The following MIA3 variants were observed in gnomAD, a reference collection of about 807,000 sequenced individuals.
MIA3 encodes the protein MIA SH3 domain ER export factor 3.
Under a neutral mutation model 192.4 loss-of-function variants are expected in MIA3, and 90 were observed. The ratio of observed to expected loss-of-function variants is 0.47; its 90% CI spans 0.39 to 0.56. The LOEUF (loss-of-function observed/expected upper bound fraction) is 0.56. Ranked by LOEUF, MIA3 falls within the 20% of genes least tolerant of loss-of-function variation. The pLI is 0.00. For synonymous variants in MIA3, 740 were observed against 792.8 expected (o/e 0.93, Z 1.12); for missense variants, 2,123 against 2,269.4 (o/e 0.94, Z 1.31).
chr1:222,627,514 T>C, intron 3 of MIA3, 61 bp from the exon 4 acceptor site: 8 of 1,346,916 alleles, frequency 5.9e-6, no homozygotes, highest in Non-Finnish European at 8.2e-6. Context: ...TTAACGTGGA[T>C]AAGACTTTGC....
chr1:222,634,783 T>A (rs768633048), intron 6 of MIA3, among the ~76,000 whole-genome samples: 2 of 152,212 alleles, frequency 1.3e-5, no homozygotes, highest in Admixed American at 6.5e-5. Context: ...TCTTGTTGTT[T>A]TTCTGTTAAA....
chr1:222,627,620 A>T lies in MIA3; in HGVS notation c.400A>T (p.Asn134Tyr). The T allele has an allele frequency of 6.3e-7, 1 of 1,580,644 alleles. No individual in the cohort carries two copies. Among genetic ancestry groups the T allele is most frequent in the Non-Finnish European group, 8.5e-7 (1 of 1,170,474 alleles). Residue 134 changes from asparagine (N) to tyrosine (Y), a missense_variant, in exon 4 of 28, where the codon AAT becomes TAT. Transcript: ENST00000344922. ...CFDGGRDDFHNYNVEELLGFL... is the reference protein window; with the variant it reads ...CFDGGRDDFHYYNVEELLGFL... ...TGATGGAGGAAGAGATGATTTTCAT[A>T]ATTATAATGTAGAAGAACTTTTAGG...
In MIA3 at chr1:222,618,224, C is replaced by T. The variant is rs1661692676; in HGVS notation, c.114C>T (p.Cys38=). The change falls in exon 1 of 28, where the codon TGC becomes TGT. Residue 38 remains cysteine (C), a synonymous_variant. Coordinates refer to ENST00000344922, the MANE Select transcript of MIA3 (RefSeq NM_198551.4). ...TGRRFSEHKL[C]ADDECSMLMY... ...GGCGGTTCTCGGAGCACAAACTCTG[C>T]GCGGACGACGAATGCAGCAGTGAGT... 4 of 1,484,940 alleles carry T rather than the reference C, an allele frequency of 2.7e-6. No individual in the cohort carries two copies. The highest frequency in any genetic ancestry group is 2.2e-5 in the Admixed American group (1 of 45,382). 92.0% of individuals were successfully genotyped at this position (1,484,940 alleles called of 1,614,324 possible). A position where few individuals can be genotyped will look rare whatever the true frequency, so the allele number is the denominator to read the frequency against.
At position 222,665,693 on chromosome 1, in the gene MIA3, G is replaced by A; in HGVS notation, c.*74G>A. ...TCCATTACAGTAAAGGATTTCATTG[G>A]CTTCAAAATCCAAAAGTTTATTTTA... On this transcript the variant is annotated 3_prime_UTR_variant, in exon 28 of 28. Coordinates refer to ENST00000344922, the MANE Select transcript of MIA3 (RefSeq NM_198551.4). The A allele has an allele frequency of 7.9e-7, 1 of 1,267,338 alleles. No individual in the cohort carries two copies. The highest frequency in any genetic ancestry group is 1.0e-6 in the Non-Finnish European group (1 of 954,034). The allele number at this position is 1,267,338 out of a possible 1,614,324, so 78.5% of individuals were successfully genotyped here. A position where few individuals can be genotyped will look rare whatever the true frequency, so the allele number is the denominator to read the frequency against.
intron 3 of MIA3, among the ~76,000 whole-genome samples, chr1:222,625,371 A>C (rs1662067158): frequency 6.6e-6 from 1 of 152,234 alleles, no homozygotes. Context: ...AGAGTTCAGT[A>C]GTTTTATATT....
Position 222,628,532 on chromosome 1 carries a change from G to C in MIA3, c.1312G>C (p.Asp438His). 1 of 1,614,182 alleles carries C rather than the reference G, an allele frequency of 6.2e-7. No individual in the cohort carries two copies. The highest frequency in any genetic ancestry group is 1.1e-5 in the South Asian group (1 of 91,076). ...PQSATDYSDP[D>H]NVDDGLFIVD... ...GTCAGCAACAGATTATAGTGACCCT[G>C]ACAATGTAGATGATGGTCTTTTTAT... The change falls in exon 4 of 28, where the codon GAC (aspartate) becomes CAC (histidine). Residue 438 changes from aspartate to histidine, a missense_variant. Around this residue, in one of 3 missense-constraint regions of MIA3, gnomAD observed 1,357 missense variants for 1,396.1 expected, o/e 0.97. Coordinates refer to ENST00000344922, the MANE Select transcript of MIA3 (RefSeq NM_198551.4).
chr1:222,655,962 C>CTTTTTTTTTTTTTTTTTTT (rs1283360501), intron 18 of MIA3, among the ~76,000 whole-genome samples: 1 of 71,278 alleles, frequency 1.4e-5, no homozygotes, highest in Admixed American at 2.4e-4. Flanking sequence ...ACTTTCTTTC[C>CTTTTTTTTTTTTTTTTTTT]CTTTTTTTTT....
In MIA3 at chr1:222,628,794, A is replaced by AAAATG; in HGVS notation, c.1576_1580dup (p.Asp527GlufsTer4). 1 of 1,614,184 alleles carries AAAATG rather than the reference A, an allele frequency of 6.2e-7. No individual in the cohort carries two copies. Among genetic ancestry groups the AAAATG allele is most frequent in the African/African-American group, 1.3e-5 (1 of 75,062 alleles). ...TTAAAATCAGCTTATGATGATACAG[A>AAAATG]AAATGACCTAAAAGGAGCAGCTATT... On this transcript the variant is annotated frameshift_variant, in exon 4 of 28. Transcript: ENST00000344922. LOFTEE classifies it high-confidence loss of function.
At chr1:222,647,288 C>T (rs1165163671) in intron 7 of MIA3, among the ~76,000 whole-genome samples, 1 of 152,140 alleles carries the variant, frequency 6.6e-6, no homozygotes, top group Non-Finnish European at 1.5e-5. Flanking sequence ...TACTATATAG[C>T]ATTCAGCTGC....
intron 18 of MIA3, among the ~76,000 whole-genome samples, chr1:222,655,416 A>C (rs1468159949): frequency 6.6e-6 from 1 of 152,198 alleles, no homozygotes; most frequent in Non-Finnish European, 1.5e-5. Flanking sequence ...GTCCACAAAA[A>C]CATCTGAATT....
chr1:222,662,159 C>A, intron 25 of MIA3, 35 bp downstream of exon 25: 1 of 1,608,358 alleles, frequency 6.2e-7, no homozygotes, highest in Non-Finnish European at 8.5e-7. Context: ...AGTCTAAAAC[C>A]ATGCAGGAAG....
intron 4 of MIA3, 65 bp downstream of exon 4, chr1:222,630,454 T>G (rs1013474050): frequency 1.3e-6 from 2 of 1,482,644 alleles, no homozygotes; most frequent in East Asian, 2.3e-5. Context: ...CTGAGGTGCC[T>G]CCTATCTTGT....
chr1:222,653,133 A>G lies in MIA3; in HGVS notation c.4209+3A>G. On this transcript the variant is annotated splice_donor_region_variant and intron_variant, in intron 14 of 27. Transcript: ENST00000344922. ...CTCACAAGGATGATAATATTAATGT[A>G]AGTGCGTTCATGAATACAAGCTTAA... 6.2e-7 allele frequency: 1 copy of G among 1,604,746 alleles called. No homozygotes were observed. The highest frequency in any genetic ancestry group is 1.1e-5 in the South Asian group (1 of 90,642).
rs141743569 is a variant in MIA3, at chr1:222,645,661, T to C, written c.3585T>C (p.Ile1195=). The C allele has an allele frequency of 3.2e-5, 51 of 1,614,034 alleles. 2 individuals carry two copies. In the African/African-American group the frequency reaches 5.7e-4, roughly 18 times the overall value. ...TAFLGIASFA[I]FLWRTVLVVK... is the part of the protein sequence containing the mutation. Reference sequence around the variant, plus strand: ...TCTTGGGAATTGCTTCGTTTGCCATTTTCTTATGGAGAACTGTCCTTGTTG... The same window carrying C: ...TCTTGGGAATTGCTTCGTTTGCCATCTTCTTATGGAGAACTGTCCTTGTTG... Residue 1195 remains isoleucine, a synonymous_variant, in exon 7 of 28, where the codon ATT becomes ATC. Coordinates refer to ENST00000344922, the MANE Select transcript of MIA3 (RefSeq NM_198551.4).
At chr1:222,630,510 C>A in intron 4 of MIA3, 121 bp downstream of exon 4, 1 of 931,414 alleles carries the variant, frequency 1.1e-6, no homozygotes, top group Non-Finnish European at 1.6e-6. Flanking sequence ...AGGGACAACA[C>A]AGGGAGGTCC....
Position 222,651,407 on chromosome 1 carries a change from G to A in MIA3, c.3909+504G>A, listed in dbSNP as rs188906535. ...TTTTTTTTAAACTTTTTGCATTATT[G>A]TACTCTTTGGAAGGAAGTTACTATC... On this transcript the variant is annotated intron_variant, in intron 11 of 27. Transcript: ENST00000344922. Among the ~76,000 whole-genome samples, 9 of 144,372 alleles carry A rather than the reference G, an allele frequency of 6.2e-5. No homozygotes were observed. The East Asian group carries it at 1.8e-3, about 29-fold the overall frequency. 94.7% of individuals were successfully genotyped at this position (144,372 alleles called of 152,430 possible).
rs1053368 is a variant in MIA3 at position 222,665,479 on chromosome 1, C to T, written c.5584C>T (p.Pro1862Ser). The T allele has an allele frequency of 3.7e-6, 6 of 1,614,016 alleles. No individual in the cohort carries two copies. Among genetic ancestry groups the T allele is most frequent in the Non-Finnish European group, 5.1e-6 (6 of 1,179,998 alleles). The change falls in exon 28 of 28, where the codon CCC becomes TCC. Residue 1862 changes from proline (P) to serine (S), a missense_variant. Around this residue, in one of 3 missense-constraint regions of MIA3, gnomAD observed 762 missense variants for 856.4 expected, o/e 0.89. Coordinates refer to ENST00000344922, the MANE Select transcript of MIA3 (RefSeq NM_198551.4). The stretch of plus-strand genomic sequence containing the variant: ...CTTTATTCCTGGTACCCGATTACCA[C>T]CCCCAACCCATGGTCCCCAGGAATA... The part of the protein sequence containing the change: ...EYFIPGTRLP[P>S]PTHGPQEYPP...
intron 6 of MIA3, chr1:222,644,519 C>T (rs1663034636): frequency 1.3e-6 from 2 of 1,550,640 alleles, no homozygotes; most frequent in Non-Finnish European, 1.7e-6. Flanking sequence ...GCCGCTACCC[C>T]GGGGGACCCG....
chr1:222,619,054 C>T (rs1048972876), intron 1 of MIA3, among the ~76,000 whole-genome samples: 1 of 152,200 alleles, frequency 6.6e-6, no homozygotes, highest in Non-Finnish European at 1.5e-5. Context: ...CGGCAGCCTC[C>T]TCTTCTGTGC....
Sources: allele counts gnomAD v4.1 joint callset (sites outside exome capture counted in the v4.1 genomes callset), GRCh38; gene constraint gnomAD v4.1.1; regional missense constraint gnomAD v4.1.1; transcripts MANE v1.5; gene names NCBI Gene and HGNC (gene_info 2026-07-23, HGNC 2026-07-21).